Variants in ZNF695 observed in about 807,000 individuals in gnomAD.
ZNF695 encodes the protein zinc finger protein SBZF3.
In ZNF695, 11 loss-of-function variants were observed where a neutral mutation model predicts 11.2. That is an observed-to-expected ratio of 0.98 (90% CI 0.62 to 1.62). The LOEUF is 1.62. Ranked by LOEUF, ZNF695 falls within the 40% of genes most tolerant of loss-of-function variation. The pLI, the probability that ZNF695 is intolerant of heterozygous loss-of-function variation, is 0.00. For synonymous variants in ZNF695, 190 were observed against 201.4 expected (o/e 0.94, Z 0.48); for missense variants, 559 against 590.5 (o/e 0.95, Z 0.55).
chr1:246,982,806 A>T (rs1668743974), downstream of ZNF695, among the ~76,000 whole-genome samples: 1 of 152,034 alleles, frequency 6.6e-6, no homozygotes, highest in Non-Finnish European at 1.5e-5. Context: ...CTCTCAAATA[A>T]GTTTGAAAAT....
intron 1 of ZNF695, 31 bp downstream of exon 1, chr1:247,007,875 C>T (rs1221735825): frequency 1.3e-6 from 2 of 1,542,474 alleles, no homozygotes; most frequent in African/African-American, 2.8e-5. Context: ...CCCCCTCTCC[C>T]TTCTCGGGAC....
At chr1:246,999,318 C>T (rs1669296756) in intron 3 of ZNF695, 30 bp downstream of exon 3, 10 of 1,551,564 alleles carry the variant, frequency 6.4e-6, no homozygotes, top group Non-Finnish European at 7.1e-6. Flanking sequence ...TCAACCCCTA[C>T]CTGTGTTCGC....
intron 1 of ZNF695, among the ~76,000 whole-genome samples, chr1:247,006,745 G>A (rs538633752): frequency 6.6e-6 from 1 of 152,380 alleles, no homozygotes; most frequent in African/African-American, 2.4e-5. Context: ...AAAACAGTTA[G>A]GCTGGGGGAA....
At chr1:246,982,377 T>G (rs1668732697), downstream of ZNF695, among the ~76,000 whole-genome samples, 1 of 151,590 alleles carries the variant, frequency 6.6e-6, no homozygotes, top group African/African-American at 2.4e-5. Context: ...CATGGAAACA[T>G]AAGGTGTGCT....
Position 246,988,025 on chromosome 1 carries a change from C to G in ZNF695, c.490G>C (p.Gly164Arg), listed in dbSNP as rs567999310. 8 of 1,598,272 alleles carry G rather than the reference C, an allele frequency of 5.0e-6. No homozygotes were observed. The South Asian group carries it at 5.7e-5, about 11-fold the overall frequency. ...TTTAGATTTGCAAATTTACTAAAAC[C>G]TTTCACACATTTATTGCATTGAAAG... ...KNFQCNKCVKGFSKFANLNKC... is the reference protein window; with the variant it reads ...KNFQCNKCVKRFSKFANLNKC... The change falls in exon 4 of 4, where the codon GGT becomes CGT. Residue 164 changes from glycine (G) to arginine (R), a missense_variant. Gly to Arg is a moderately radical substitution (Grantham distance 125). Transcript: ENST00000339986.
intron 4 of ZNF695, among the ~76,000 whole-genome samples, chr1:246,976,838 G>A (rs1406032538): frequency 6.6e-6 from 1 of 152,014 alleles, no homozygotes; most frequent in African/African-American, 2.4e-5. Flanking sequence ...TTATCCTGAA[G>A]AGAAAATGCA....
At chr1:246,988,872 C>T (rs914886290) in intron 3 of ZNF695, among the ~76,000 whole-genome samples, 10 of 152,002 alleles carry the variant, frequency 6.6e-5, no homozygotes, top group Non-Finnish European at 1.0e-4. Context: ...GGGCGGATCA[C>T]GAGGTCAGGA....
intron 5 of ZNF695, among the ~76,000 whole-genome samples, chr1:246,949,420 G>GT (rs1310562609): frequency 6.6e-6 from 1 of 151,962 alleles, no homozygotes; most frequent in East Asian, 1.9e-4. Context: ...GCGAAACCCC[G>GT]TCTCTACTAA....
At chr1:247,003,097 C>T (rs1206026074) in intron 1 of ZNF695, among the ~76,000 whole-genome samples, 1 of 152,168 alleles carries the variant, frequency 6.6e-6, no homozygotes. Flanking sequence ...TTCGACCCAG[C>T]AATCCCATTA....
chr1:246,984,152 CAAAAA>C (rs11321674), downstream of ZNF695, among the ~76,000 whole-genome samples: 1 of 91,646 alleles, frequency 1.1e-5, no homozygotes, highest in Non-Finnish European at 2.0e-5. Flanking sequence ...ACCATGTCTC[CAAAAA>C]AAAAAAAAAA....
chr1:246,999,253 C>T, intron 3 of ZNF695, 95 bp downstream of exon 3: 1 of 969,946 alleles, frequency 1.0e-6, no homozygotes, highest in Non-Finnish European at 1.6e-6. Flanking sequence ...AAGCCATTTC[C>T]TGGGAGTAGA....
At chr1:246,974,825 T>C (rs1352378455) in intron 4 of ZNF695, among the ~76,000 whole-genome samples, 1 of 152,194 alleles carries the variant, frequency 6.6e-6, no homozygotes, top group East Asian at 1.9e-4. Context: ...TTCACTCCTC[T>C]CACCACCTCT....
intron 5 of ZNF695, among the ~76,000 whole-genome samples, chr1:246,960,922 CA>C (rs923671075): frequency 6.6e-6 from 1 of 151,646 alleles, no homozygotes; most frequent in Non-Finnish European, 1.5e-5. Context: ...AACAAACAAA[CA>C]AAAAACAAAA....
chr1:246,971,594 C>G (rs1250909451), intron 4 of ZNF695, among the ~76,000 whole-genome samples: 2 of 152,200 alleles, frequency 1.3e-5, no homozygotes, highest in South Asian at 4.1e-4. Context: ...CACACTCTTG[C>G]CTTCTGGTCG....
Position 247,000,094 on chromosome 1 carries a change from T to C in ZNF695, c.4-20A>G, listed in dbSNP as rs776240074. Reference sequence around the variant, plus strand: ...TAGTCCCTGAAAAAGAAAACATATTTACCAAGTGGTCACGGCAGAGTTCTT... The same window carrying C: ...TAGTCCCTGAAAAAGAAAACATATTCACCAAGTGGTCACGGCAGAGTTCTT... On this transcript the variant is annotated intron_variant, in intron 1 of 3. Coordinates refer to ENST00000339986, the MANE Select transcript of ZNF695 (RefSeq NM_020394.5). 3 of 1,591,760 alleles carry C rather than the reference T, an allele frequency of 1.9e-6. No individual in the cohort carries two copies. The highest frequency in any genetic ancestry group is 2.6e-6 in the Non-Finnish European group (3 of 1,170,596).
chr1:246,999,286 G>T, intron 3 of ZNF695, 62 bp downstream of exon 3: 1 of 1,372,146 alleles, frequency 7.3e-7, no homozygotes, highest in Non-Finnish European at 1.0e-6. Flanking sequence ...ACAGTTTAAA[G>T]TCTGGCTTCT....
At chr1:246,989,945 G>A (rs4971296) in intron 3 of ZNF695, among the ~76,000 whole-genome samples, 640 of 152,160 alleles carry the variant, frequency 4.2e-3, no homozygotes, top group Non-Finnish European at 6.8e-3. Flanking sequence ...AGGTTGCAGT[G>A]AGCCAAGATT....
intron 5 of ZNF695, among the ~76,000 whole-genome samples, chr1:246,954,428 C>T (rs997536489): frequency 6.6e-6 from 1 of 152,198 alleles, no homozygotes; most frequent in African/African-American, 2.4e-5. Flanking sequence ...GAAGATCCAC[C>T]AACCTTCCAG....
intron 5 of ZNF695, among the ~76,000 whole-genome samples, chr1:246,949,488 G>T (rs1667819315): frequency 6.6e-6 from 1 of 152,046 alleles, no homozygotes; most frequent in Non-Finnish European, 1.5e-5. Flanking sequence ...CTACTTGGGG[G>T]GCTGAGGCAG....
Sources: gnomAD v4.1 joint callset for allele counts (sites outside exome capture counted in the v4.1 genomes callset) on GRCh38, gnomAD v4.1.1 for gene constraint, MANE v1.5 for transcripts, NCBI Gene and HGNC (gene_info 2026-07-23, HGNC 2026-07-21) for gene names.